The following IFT172 variants were observed in gnomAD, a reference collection of about 807,000 sequenced individuals.
IFT172 encodes the protein intraflagellar transport 172, also known as intraflagellar transport protein 172 homolog.
Under a neutral mutation model 248.9 loss-of-function variants are expected in IFT172, and 164 were observed. The observed-to-expected ratio is 0.66, with a 90% CI of 0.58 to 0.75. The LOEUF is 0.75. IFT172 is among the 30% of genes least tolerant of loss of function. The probability of loss-of-function intolerance (pLI) is 0.00; values close to 1 mark genes in which losing one functional copy is unlikely to be tolerated. For missense variants in IFT172, 1,950 were observed against 2,192.4 expected, an observed-to-expected ratio of 0.89 and a Z score of 2.21; for synonymous variants, 729 against 791.6, an observed-to-expected ratio of 0.92 and a Z score of 1.33.
rs140401902 is a variant in IFT172 at position 27,477,511 on chromosome 2, T to C, written c.1221+48A>G. 2.8e-3 allele frequency: 3,917 copies of C among 1,391,914 alleles called. 9 individuals are homozygous for C. Among genetic ancestry groups the C allele is most frequent in the Non-Finnish European group, 3.5e-3 (3,448 of 977,208 alleles). The allele number at this position is 1,391,914 out of a possible 1,614,324, so 86.2% of individuals were successfully genotyped here. A position where few individuals can be genotyped will look rare whatever the true frequency, so the allele number is the denominator to read the frequency against. ...CTTGCCATCTTTATGACACAGAAGC[T>C]AGAAGGAGGCTTATCAAGATGGTGA... On this transcript the variant is annotated intron_variant, in intron 12 of 47. Transcript: ENST00000260570.
rs1666504502 is a variant in IFT172, at chr2:27,459,842, G to C, written c.2522-13C>G. On this transcript the variant is annotated splice_polypyrimidine_tract_variant and intron_variant, in intron 23 of 47. Transcript: ENST00000260570. The stretch of plus-strand genomic sequence containing the variant: ...GCCAGCTCTACCGCTGCCAGGGAGA[G>C]AAAAGATGCTCAGCCCAGATTTCCA... 2 of 1,609,044 alleles carry C rather than the reference G, an allele frequency of 1.2e-6. No individual in the cohort carries two copies. The highest frequency in any genetic ancestry group is 1.3e-5 in the African/African-American group (1 of 75,040).
intron 14 of IFT172, among the ~76,000 whole-genome samples, chr2:27,474,138 A>G (rs906898034): frequency 9.2e-5 from 14 of 152,322 alleles, no homozygotes; most frequent in African/African-American, 3.4e-4. Flanking sequence ...TACATTGAAA[A>G]TGAGACCTAC....
At chr2:27,468,406 TTC>T (rs1478273829) in intron 16 of IFT172, among the ~76,000 whole-genome samples, 4 of 151,810 alleles carry the variant, frequency 2.6e-5, no homozygotes, top group Admixed American at 1.3e-4. Context: ...GTAATTTTTG[TTC>T]TTTTTAGTAG....
chr2:27,450,717 A>G lies in IFT172; in HGVS notation c.3952-621T>C, dbSNP rs1407956530. Among the ~76,000 whole-genome samples the G allele has an allele frequency of 3.9e-5, 6 of 151,966 alleles. No homozygotes were observed. In the East Asian group the frequency reaches 1.2e-3, roughly 29 times the overall value. On this transcript the variant is annotated intron_variant, in intron 35 of 47. Transcript: ENST00000260570. ...GCAATTCTCTTGTCTTGGCCTCCTG[A>G]GTAGCTGGGATTACAGGCACCCACC...
Position 27,477,225 on chromosome 2 carries a change from G to GC in IFT172, c.1316_1317insG (p.His439GlnfsTer8). On this transcript the variant is annotated frameshift_variant, in exon 13 of 48. Coordinates refer to ENST00000260570, the MANE Select transcript of IFT172 (RefSeq NM_015662.3). LOFTEE classifies it high-confidence loss of function. ...GAATCTTGTGAGGTTACCTGATGAG[G>GC]TGGGGGTTCATGAATTCAGTGCGTA... The GC allele has an allele frequency of 6.2e-7, 1 of 1,613,194 alleles. No homozygotes were observed. Among genetic ancestry groups the GC allele is most frequent in the Non-Finnish European group, 8.5e-7 (1 of 1,179,180 alleles).
chr2:27,455,939 C>T lies in IFT172; in HGVS notation c.3371+572G>A, dbSNP rs553057718. The T allele has an allele frequency of 4.4e-4, 124 of 279,420 alleles. 2 individuals are homozygous for T. Among genetic ancestry groups the T allele is most frequent in the South Asian group, 1.3e-3 (39 of 30,424 alleles). The allele number at this position is 279,420 out of a possible 1,614,324, so 17.3% of individuals were successfully genotyped here. On this transcript the variant is annotated intron_variant, in intron 30 of 47. Transcript: ENST00000260570. ...AAAAAAAAAGAAAAGTTCGGCCAGG[C>T]GCAGTGGCTCACGCCTGTAATCTCA...
intron 19 of IFT172, 86 bp from the exon 20 acceptor site, chr2:27,462,879 T>A: frequency 7.3e-7 from 1 of 1,378,268 alleles, no homozygotes; most frequent in Non-Finnish European, 1.0e-6. Context: ...CAGAAGGATG[T>A]AGAAAACAAA....
Position 27,485,139 on chromosome 2 carries a change from TTAA to T in IFT172, c.184-12_184-10del. 2 of 1,534,112 alleles carry T rather than the reference TTAA, an allele frequency of 1.3e-6. No homozygotes were observed. Among genetic ancestry groups the T allele is most frequent in the South Asian group, 1.2e-5 (1 of 84,682 alleles). ...TAGCTCTTCCTGCCATACTAAGAGT[TTAA>T]AAAAAAAAAAAGAAAGAAAAAGAAG... is the stretch of plus-strand genomic sequence containing the variant. On this transcript the variant is annotated splice_polypyrimidine_tract_variant and intron_variant, in intron 2 of 47. Transcript: ENST00000260570.
chr2:27,474,972 C>T lies in IFT172; in HGVS notation c.1411+1669G>A, dbSNP rs527941197. Among the ~76,000 whole-genome samples, 3 of 152,164 alleles carry T rather than the reference C, an allele frequency of 2.0e-5. No homozygotes were observed. In the South Asian group the frequency reaches 6.2e-4, roughly 32 times the overall value. On this transcript the variant is annotated intron_variant, in intron 14 of 47. Transcript: ENST00000260570. The stretch of plus-strand genomic sequence containing the variant: ...CCACAGGCTGAGGCAAAAATATCTG[C>T]AATGCAAATAACCACCAAAGTCTAT...
intron 3 of IFT172, among the ~76,000 whole-genome samples, 182 bp from the exon 4 acceptor site, chr2:27,484,448 G>A (rs570634876): frequency 1.3e-5 from 2 of 152,194 alleles, no homozygotes; most frequent in East Asian, 1.9e-4. Context: ...AAAATTAGCC[G>A]GGTGTGGTGG....
intron 1 of IFT172, 37 bp from the exon 2 acceptor site, chr2:27,485,540 T>C: frequency 6.2e-7 from 1 of 1,608,652 alleles, no homozygotes; most frequent in Non-Finnish European, 8.5e-7. Context: ...ACCCATGTGC[T>C]GGTCTAGAAT....
chr2:27,474,695 G>A (rs1415370399), intron 14 of IFT172, among the ~76,000 whole-genome samples: 2 of 152,080 alleles, frequency 1.3e-5, no homozygotes, highest in Non-Finnish European at 2.9e-5. Flanking sequence ...GGGATTACAG[G>A]TGCCCTCCAC....
In IFT172 at chr2:27,485,379, G is replaced by C. The variant is rs746462745; in HGVS notation, c.164C>G (p.Thr55Ser). ...EHGERRDKFS[T>S]KPADMKYGRK... ...GTTTACCTTCATGTCAGCTGGTTTG[G>C]TGGAGAATTTATCTCTCCGTTCTCC... Residue 55 changes from threonine (T) to serine (S), a missense_variant, in exon 2 of 48, where the codon ACC becomes AGC. Coordinates refer to ENST00000260570, the MANE Select transcript of IFT172 (RefSeq NM_015662.3). The C allele has an allele frequency of 1.2e-6, 2 of 1,614,072 alleles. No homozygotes were observed. Among genetic ancestry groups the C allele is most frequent in the Non-Finnish European group, 1.7e-6 (2 of 1,180,034 alleles).
At chr2:27,472,172 C>A in intron 15 of IFT172, 78 bp downstream of exon 15, 1 of 952,238 alleles carries the variant, frequency 1.1e-6, no homozygotes, top group South Asian at 1.3e-5. Flanking sequence ...CATCCTGCCT[C>A]CCTCAGTCCC....
intron 47 of IFT172, 121 bp from the exon 48 acceptor site, chr2:27,444,642 GTA>G (rs1328177718): frequency 1.4e-6 from 1 of 714,116 alleles, no homozygotes; most frequent in African/African-American, 3.3e-5. Flanking sequence ...TTTCTAGTGT[GTA>G]TGTGGGTTTT....
chr2:27,468,827 C>A (rs1667324783), intron 16 of IFT172, among the ~76,000 whole-genome samples: 1 of 132,224 alleles, frequency 7.6e-6, no homozygotes, highest in Non-Finnish European at 1.6e-5. Flanking sequence ...CCAGCCTGGG[C>A]AACAGAGCGA....
At chr2:27,467,613 C>CAAAAA (rs758559563) in intron 16 of IFT172, among the ~76,000 whole-genome samples, 5 of 53,132 alleles carry the variant, frequency 9.4e-5, no homozygotes, top group African/African-American at 3.1e-4. Context: ...ACCCTGTCTC[C>CAAAAA]AAAAAAAAAA....
At chr2:27,451,099 A>C (rs866217300) in intron 35 of IFT172, among the ~76,000 whole-genome samples, 5 of 152,264 alleles carry the variant, frequency 3.3e-5, no homozygotes, top group South Asian at 4.1e-4. Context: ...TAAAACTCAG[A>C]AATTCTACAA....
Position 27,456,528 on chromosome 2 carries a change from G to A in IFT172, c.3354C>T (p.Asp1118=), listed in dbSNP as rs779181784. 1 of 1,613,766 alleles carries A rather than the reference G, an allele frequency of 6.2e-7. No homozygotes were observed. Among genetic ancestry groups the A allele is most frequent in the South Asian group, 1.1e-5 (1 of 91,056 alleles). The change falls in exon 30 of 48, where the codon GAC becomes GAT. Residue 1118 remains aspartate (D), a synonymous_variant. Coordinates refer to ENST00000260570, the MANE Select transcript of IFT172 (RefSeq NM_015662.3). The part of the protein sequence containing the change: ...NKLGLLEAAV[D]HAADNCSFEF... ...GGCCTCACCAATTGTCTGCAGCGTG[G>A]TCAACAGCAGCTTCCAGGAGTCCCA...
Sources: gnomAD v4.1 joint callset for allele counts (sites outside exome capture counted in the v4.1 genomes callset) on GRCh38, gnomAD v4.1.1 for gene constraint, MANE v1.5 for transcripts, NCBI Gene and HGNC (gene_info 2026-07-23, HGNC 2026-07-21) for gene names.